Variants in IQSEC2 observed in about 807,000 individuals in gnomAD.
IQSEC2 encodes the protein IQ motif and SEC7 domain-containing protein 2.
Under a neutral mutation model 74.6 loss-of-function variants are expected in IQSEC2, and 6 were observed. That is an observed-to-expected ratio of 0.08 (90% CI 0.04 to 0.16). The LOEUF (loss-of-function observed/expected upper bound fraction) is 0.16, where lower values mean the gene tolerates loss of function less well. Ranked by LOEUF, IQSEC2 falls within the 10% of genes least tolerant of loss-of-function variation. The pLI is 1.00. For missense variants in IQSEC2, 734 were observed against 1,306.2 expected (o/e 0.56, Z 6.75); for synonymous variants, 494 against 544.5 (o/e 0.91, Z 1.29).
At position 53,235,192 on chromosome X, in the gene IQSEC2, C is replaced by T. The variant is rs781808329; in HGVS notation, c.3502-8G>A. ...ACTGCTAATAACAGACCCCTGGAAG[C>T]GGGGAGGGGGGAAGTCAGGCCAGGC... On this transcript the variant is annotated splice_region_variant and splice_polypyrimidine_tract_variant and intron_variant, in intron 14 of 14. Transcript: ENST00000642864. The T allele has an allele frequency of 2.2e-5, 25 of 1,161,639 alleles. No individual in the cohort carries two copies. The Middle Eastern group carries it at 9.8e-4, about 46-fold the overall frequency.
chrX:53,251,374 T>C lies in IQSEC2; in HGVS notation c.1402-200A>G, dbSNP rs781871037. Reference sequence around the variant, plus strand: ...CTGTAAAATGACTCCCAGGGAACCATTGTGAGCTCACAGGAGCTGAGACTA... The same window carrying C: ...CTGTAAAATGACTCCCAGGGAACCACTGTGAGCTCACAGGAGCTGAGACTA... On this transcript the variant is annotated intron_variant, in intron 4 of 14. Coordinates refer to ENST00000642864, the MANE Select transcript of IQSEC2 (RefSeq NM_001111125.3). Among the ~76,000 whole-genome samples the C allele has an allele frequency of 3.6e-4, 40 of 109,982 alleles. No homozygotes were observed. The South Asian group carries it at 0.015, about 40-fold the overall frequency.
rs782014001 is a variant in IQSEC2 at position 53,250,909 on chromosome X, G to A, written c.1667C>T (p.Pro556Leu). 3.3e-6 allele frequency: 4 copies of A among 1,210,864 alleles called. No individual in the cohort carries two copies. Among genetic ancestry groups the A allele is most frequent in the Non-Finnish European group, 4.5e-6 (4 of 894,451 alleles). The change falls in exon 5 of 15, where the codon CCA (proline) becomes CTA (leucine). Residue 556 changes from proline (P) to leucine (L), a missense_variant. By Grantham distance (98) the Pro-to-Leu change is moderately conservative. This residue lies in a region of IQSEC2 where 204 missense variants were observed against 305.4 expected (regional missense o/e 0.67). Coordinates refer to ENST00000642864, the MANE Select transcript of IQSEC2 (RefSeq NM_001111125.3). ...TTCCCGGGTTCCTGATGGCACTGGT[G>A]GAGGAACTGGCGGGAGAGGGGCTGG... The part of the protein sequence containing the change: ...WAPAPLPPVP[P>L]PVPSGTREDG...
At chrX:53,238,590 C>T (rs6638346) in intron 11 of IQSEC2, among the ~76,000 whole-genome samples, 1 of 109,146 alleles carries the variant, frequency 9.2e-6, no homozygotes, top group Non-Finnish European at 1.9e-5. Context: ...GTTGCCCAGG[C>T]TGGTTTCGAA....
Position 53,321,139 on chromosome X carries a change from G to A in IQSEC2, c.-16C>T. ...CCGCCTCCATCCTGGCGGCCCAGGG[G>A]CAGGGGAACGGGCAGGAGAGCCCTG... On this transcript the variant is annotated 5_prime_UTR_variant, in exon 1 of 15. Coordinates refer to ENST00000642864, the MANE Select transcript of IQSEC2 (RefSeq NM_001111125.3). 1.9e-6 allele frequency: 2 copies of A among 1,028,666 alleles called. No individual in the cohort carries two copies. Among genetic ancestry groups the A allele is most frequent in the South Asian group, 2.0e-5 (1 of 49,701 alleles). The allele number at this position is 1,028,666 out of a possible 1,213,427, so 84.8% of individuals were successfully genotyped here. A position where few individuals can be genotyped will look rare whatever the true frequency, so the allele number is the denominator to read the frequency against.
intron 2 of IQSEC2, chrX:53,279,447 C>G: frequency 4.2e-6 from 2 of 481,921 alleles, no homozygotes; most frequent in East Asian, 3.5e-5. Context: ...CTCATACACT[C>G]GGACACCCAT....
Position 53,234,266 on chromosome X carries a change from T to TGG in IQSEC2, c.4418_4419dup (p.Ser1474ProfsTer22). 1 of 897,456 alleles carries TGG rather than the reference T, an allele frequency of 1.1e-6. No homozygotes were observed. Among genetic ancestry groups the TGG allele is most frequent in the Non-Finnish European group, 1.4e-6 (1 of 716,829 alleles). The allele number at this position is 897,456 out of a possible 1,213,427, so 74.0% of individuals were successfully genotyped here. A position where few individuals can be genotyped will look rare whatever the true frequency, so the allele number is the denominator to read the frequency against. ...CTTGGCTTGGCCTTGGGGTTTGCACTGGGGGGGTTGGCTGTGCCAGGGGGC... is the reference window on the plus strand; with the variant it reads ...CTTGGCTTGGCCTTGGGGTTTGCACTGGGGGGGGGTTGGCTGTGCCAGGGGGC... On this transcript the variant is annotated frameshift_variant, in exon 15 of 15. Coordinates refer to ENST00000642864, the MANE Select transcript of IQSEC2 (RefSeq NM_001111125.3). LOFTEE classifies it high-confidence loss of function.
intron 1 of IQSEC2, among the ~76,000 whole-genome samples, chrX:53,319,747 G>C (rs1170215333): frequency 1.8e-5 from 2 of 111,585 alleles, no homozygotes; most frequent in African/African-American, 6.5e-5. Flanking sequence ...TCCCTTCCCG[G>C]TAGGGCTCTT....
Position 53,233,816 on chromosome X carries a change from C to A in IQSEC2, c.*403G>T. ...AGAGGAGCCCCAGGGAAGCCTTCAC[C>A]CCGACAGCTCCGGACACCTGCCCTT... On this transcript the variant is annotated 3_prime_UTR_variant, in exon 15 of 15. Coordinates refer to ENST00000642864, the MANE Select transcript of IQSEC2 (RefSeq NM_001111125.3). 6.7e-6 allele frequency: 2 copies of A among 297,945 alleles called. No individual in the cohort carries two copies. The highest frequency in any genetic ancestry group is 1.2e-5 in the Non-Finnish European group (2 of 170,543). The allele number at this position is 297,945 out of a possible 1,213,427, so 24.6% of individuals were successfully genotyped here. A position where few individuals can be genotyped will look rare whatever the true frequency, so the allele number is the denominator to read the frequency against.
At chrX:53,294,967 T>C (rs782505348) in intron 1 of IQSEC2, among the ~76,000 whole-genome samples, 62 of 111,440 alleles carry the variant, frequency 5.6e-4, no homozygotes, top group Non-Finnish European at 9.8e-4. Flanking sequence ...GGATTACAGG[T>C]GCCCACCACT....
chrX:53,257,021 A>T (rs184978872), intron 2 of IQSEC2, among the ~76,000 whole-genome samples: 2 of 111,969 alleles, frequency 1.8e-5, no homozygotes, highest in Admixed American at 9.4e-5. Flanking sequence ...TGCACGGTGA[A>T]GAGCCACAGA....
intron 1 of IQSEC2, among the ~76,000 whole-genome samples, chrX:53,307,295 C>CTTTTTTTTTTT (rs60909741): frequency 5.7e-4 from 32 of 55,931 alleles, no homozygotes; most frequent in Non-Finnish European, 9.1e-4. Flanking sequence ...TTCTTTCTTT[C>CTTTTTTTTTTT]TTTTTTTTTT....
intron 2 of IQSEC2, among the ~76,000 whole-genome samples, chrX:53,280,200 G>GA (rs2074930079): frequency 1.2e-5 from 1 of 80,467 alleles, no homozygotes; most frequent in East Asian, 4.9e-4. Flanking sequence ...GGGAAGGGGG[G>GA]ATGAAAGAGA....
rs782492738 is a variant in IQSEC2 at position 53,251,377 on chromosome X, T to C, written c.1402-203A>G. ...TAAAATGACTCCCAGGGAACCATTG[T>C]GAGCTCACAGGAGCTGAGACTAATG... On this transcript the variant is annotated intron_variant, in intron 4 of 14. Transcript: ENST00000642864. Among the ~76,000 whole-genome samples, 18 of 110,217 alleles carry C rather than the reference T, an allele frequency of 1.6e-4. No individual in the cohort carries two copies. In the South Asian group the frequency reaches 5.3e-3, roughly 32 times the overall value.
Position 53,246,991 on chromosome X carries a change from A to G in IQSEC2, c.2727T>C (p.Asp909=), listed in dbSNP as rs2147080245. 1 of 1,210,917 alleles carries G rather than the reference A, an allele frequency of 8.3e-7. No homozygotes were observed. Among genetic ancestry groups the G allele is most frequent in the East Asian group, 3.0e-5 (1 of 33,844 alleles). The change falls in exon 8 of 15, where the codon GAT becomes GAC. Residue 909 remains aspartate, a synonymous_variant. Transcript: ENST00000642864. ...CACCTCTCAGGTTCTTGATGAAGTCATCTAGTTTCATCTTTCGTTCAGCTT... is the reference window on the plus strand; with the variant it reads ...CACCTCTCAGGTTCTTGATGAAGTCGTCTAGTTTCATCTTTCGTTCAGCTT... ...SVKAERKMKL[D]DFIKNLRGVD...
chrX:53,272,306 T>C (rs782185960), intron 2 of IQSEC2, among the ~76,000 whole-genome samples: 1 of 111,184 alleles, frequency 9.0e-6, no homozygotes, highest in Non-Finnish European at 1.9e-5. Flanking sequence ...GTCACAGCAG[T>C]ACTCCAAAAG....
intron 1 of IQSEC2, among the ~76,000 whole-genome samples, chrX:53,307,699 G>A (rs1010447745): frequency 3.7e-5 from 4 of 107,431 alleles, no homozygotes; most frequent in Admixed American, 3.0e-4. Flanking sequence ...GAGGTCAGGG[G>A]TTCGAGACTA....
chrX:53,318,506 C>T (rs1556879590), intron 1 of IQSEC2, among the ~76,000 whole-genome samples: 1 of 111,982 alleles, frequency 8.9e-6, no homozygotes, highest in Non-Finnish European at 1.9e-5. Flanking sequence ...GTCATGGAAT[C>T]CCATAACTGG....
intron 2 of IQSEC2, among the ~76,000 whole-genome samples, chrX:53,259,843 T>C (rs1359911397): frequency 1.8e-5 from 2 of 111,882 alleles, no homozygotes; most frequent in Admixed American, 9.5e-5. Flanking sequence ...CTAACCTAAC[T>C]ATTTCATTCT....
chrX:53,302,606 A>C (rs782207520), intron 1 of IQSEC2, among the ~76,000 whole-genome samples: 64 of 111,842 alleles, frequency 5.7e-4, no homozygotes, highest in African/African-American at 2.0e-3. Context: ...TGTCAAAAAA[A>C]AAAGTTAACT....
Sources: gnomAD v4.1 joint callset for allele counts (sites outside exome capture counted in the v4.1 genomes callset) on GRCh38, gnomAD v4.1.1 for gene constraint, gnomAD v4.1.1 regional missense constraint, MANE v1.5 for transcripts, NCBI Gene and HGNC (gene_info 2026-07-23, HGNC 2026-07-21) for gene names.